Variants in HYI observed in about 807,000 individuals in gnomAD.
HYI encodes the protein putative hydroxypyruvate isomerase.
Under a neutral mutation model 39.7 loss-of-function variants are expected in HYI, and 47 were observed. That is an observed-to-expected ratio of 1.18 (90% CI 0.94 to 1.51). The LOEUF is 1.51. HYI is among the 40% of genes most tolerant of loss of function. HYI has a pLI of 0.00. For synonymous variants in HYI, 186 were observed against 158.8 expected, an observed-to-expected ratio of 1.17 and a Z score of -1.29; for missense variants, 465 against 370.3, an observed-to-expected ratio of 1.26 and a Z score of -2.10.
In HYI at chr1:43,453,456, C is replaced by G. The variant is rs755989872; in HGVS notation, c.241G>C (p.Gly81Arg). ...KGEMGLGAVP[G>R]RQAAFREGLE... The stretch of plus-strand genomic sequence containing the variant: ...CCCTCTCGGAAGGCCGCCTGTCTCC[C>G]GGGGACGGCCCCCAGCCCCATTTCC... The change falls in exon 2 of 8, where the codon GGG becomes CGG. Residue 81 changes from glycine to arginine, a missense_variant. Physicochemically the swap from Gly to Arg is moderately radical, Grantham distance 125. Coordinates refer to ENST00000372430, the MANE Select transcript of HYI (RefSeq NM_001190880.3). 16 of 1,563,540 alleles carry G rather than the reference C, an allele frequency of 1.0e-5. No individual in the cohort carries two copies. Among genetic ancestry groups the G allele is most frequent in the South Asian group, 4.7e-5 (4 of 84,874 alleles).
chr1:43,451,403 G>A lies in HYI; in HGVS notation c.760+7C>T, dbSNP rs201007519. Reference sequence around the variant, plus strand: ...CCAGAGCTCCCTTCCCCAGGGCCACGCCTCACCTCGAGGCTGATACTCACA... The same window carrying A: ...CCAGAGCTCCCTTCCCCAGGGCCACACCTCACCTCGAGGCTGATACTCACA... On this transcript the variant is annotated splice_region_variant and intron_variant, in intron 7 of 7. Coordinates refer to ENST00000372430, the MANE Select transcript of HYI (RefSeq NM_001190880.3). The A allele has an allele frequency of 5.8e-5, 94 of 1,612,070 alleles. No individual in the cohort carries two copies. The Middle Eastern group carries it at 1.2e-3, about 20-fold the overall frequency.
intron 3 of HYI, 95 bp from the exon 4 acceptor site, chr1:43,452,108 C>G (rs1040800741): frequency 2.0e-6 from 3 of 1,510,998 alleles, no homozygotes; most frequent in African/African-American, 2.7e-5. Flanking sequence ...TTCCTCTGAC[C>G]TAGGCTGGCA....
Position 43,453,834 on chromosome 1 carries a change from A to AGGCGGCGGGCGGCGGGCGGCGGGCGGCG in HYI, c.-69_-42dup, listed in dbSNP as rs534101178. The AGGCGGCGGGCGGCGGGCGGCGGGCGGCG allele has an allele frequency of 8.2e-5, 98 of 1,194,188 alleles. No homozygotes were observed. In the African/African-American group the frequency reaches 1.5e-3, roughly 18 times the overall value. The allele number at this position is 1,194,188 out of a possible 1,614,324, so 74.0% of individuals were successfully genotyped here. On this transcript the variant is annotated 5_prime_UTR_variant, in exon 1 of 8. Coordinates refer to ENST00000372430, the MANE Select transcript of HYI (RefSeq NM_001190880.3). The stretch of plus-strand genomic sequence containing the variant: ...GCCGGGCGGAGTCCGCGGGATCCAA[A>AGGCGGCGGGCGGCGGGCGGCGGGCGGCG]GGCGGCGGGCGGCGGGCGGCGGGCG...
At chr1:43,452,814 C>T (rs906699574) in intron 2 of HYI, 170 of 1,380,938 alleles carry the variant, frequency 1.2e-4, no homozygotes, top group Non-Finnish European at 1.5e-4. Flanking sequence ...CACTTTGAGC[C>T]GTCCACCTCC....
At position 43,451,637 on chromosome 1, in the gene HYI, G is replaced by A; in HGVS notation, c.625+11C>T. On this transcript the variant is annotated intron_variant, in intron 6 of 7. Transcript: ENST00000372430. ...TTGAAAGGGTGGGAGGGCAAAGGAA[G>A]GTCCTCTCACCAACAATGGGCAGGA... 1 of 1,614,072 alleles carries A rather than the reference G, an allele frequency of 6.2e-7. No homozygotes were observed. Among genetic ancestry groups the A allele is most frequent in the Non-Finnish European group, 8.5e-7 (1 of 1,179,942 alleles).
chr1:43,453,463 G>C lies in HYI; in HGVS notation c.234C>G (p.Ala78=), dbSNP rs748934658. ...DQEKGEMGLG[A]VPGRQAAFRE... ...GGAAGGCCGCCTGTCTCCCGGGGAC[G>C]GCCCCCAGCCCCATTTCCCCCTTCT... The change falls in exon 2 of 8, where the codon GCC becomes GCG. Residue 78 remains alanine, a synonymous_variant. Coordinates refer to ENST00000372430, the MANE Select transcript of HYI (RefSeq NM_001190880.3). 22 of 1,562,288 alleles carry C rather than the reference G, an allele frequency of 1.4e-5. No homozygotes were observed. Among genetic ancestry groups the C allele is most frequent in the Non-Finnish European group, 1.9e-5 (22 of 1,152,404 alleles).
Position 43,453,790 on chromosome 1 carries a change from C to T in HYI, c.4G>A (p.Ala2Thr). The T allele has an allele frequency of 7.8e-7, 1 of 1,280,472 alleles. No individual in the cohort carries two copies. The highest frequency in any genetic ancestry group is 3.1e-5 in the East Asian group (1 of 32,122). The allele number at this position is 1,280,472 out of a possible 1,614,324, so 79.3% of individuals were successfully genotyped here. Residue 2 changes from alanine (A) to threonine (T), a missense_variant, in exon 1 of 8, where the codon GCG becomes ACG. By Grantham distance (58) the Ala-to-Thr change is moderately conservative. Coordinates refer to ENST00000372430, the MANE Select transcript of HYI (RefSeq NM_001190880.3). M[A>T]PLRFSANLSW... is the part of the protein sequence containing the mutation. ...AGATTGGCGGAGAAGCGCAGCGGCG[C>T]CATGCCTGGGGAGGCCGGGCCGGGC...
At chr1:43,452,974 C>T in intron 2 of HYI, 1 of 1,607,762 alleles carries the variant, frequency 6.2e-7, no homozygotes, top group Non-Finnish European at 8.5e-7. Context: ...AAGGAACACT[C>T]AACTTCCTGC....
chr1:43,453,717 G>GCCCGCA lies in HYI; in HGVS notation c.71_76dup (p.Val24_Arg25dup). The GCCCGCA allele has an allele frequency of 1.4e-5, 19 of 1,396,058 alleles. No individual in the cohort carries two copies. The highest frequency in any genetic ancestry group is 1.7e-5 in the Non-Finnish European group (19 of 1,085,886). 86.5% of individuals were successfully genotyped at this position (1,396,058 alleles called of 1,614,324 possible). A position where few individuals can be genotyped will look rare whatever the true frequency, so the allele number is the denominator to read the frequency against. On this transcript the variant is annotated inframe_insertion, in exon 1 of 8. Coordinates refer to ENST00000372430, the MANE Select transcript of HYI (RefSeq NM_001190880.3). ...GGCCTCGAAGCCCGAGCTGCCCGCG[G>GCCCGCA]CCCGCACCCGCGCGGGGAGGCCGGA...
chr1:43,453,107 C>T (rs1342303385), intron 2 of HYI: 6 of 751,560 alleles, frequency 8.0e-6, no homozygotes, highest in African/African-American at 1.7e-5. Context: ...TAGGCCTGTC[C>T]TCAAATGCAT....
intron 2 of HYI, chr1:43,453,178 A>G: frequency 3.1e-6 from 2 of 650,206 alleles, no homozygotes; most frequent in Non-Finnish European, 5.5e-6. Context: ...ATGGGATCCC[A>G]GCATGGGGTG....
At position 43,453,479 on chromosome 1, in the gene HYI, T is replaced by C. The variant is rs1656674027; in HGVS notation, c.218A>G (p.Glu73Gly). ...NTPPGDQEKG[E>G]MGLGAVPGRQ... ...CCCGGGGACGGCCCCCAGCCCCATT[T>C]CCCCCTTCTCTTGGTCTCCTGCAGA... is the stretch of plus-strand genomic sequence containing the variant. Residue 73 changes from glutamate (E) to glycine (G), a missense_variant, in exon 2 of 8, where the codon GAA becomes GGA. By Grantham distance (98) the Glu-to-Gly change is moderately conservative. Coordinates refer to ENST00000372430, the MANE Select transcript of HYI (RefSeq NM_001190880.3). 6.4e-7 allele frequency: 1 copy of C among 1,558,852 alleles called. No individual in the cohort carries two copies. Among genetic ancestry groups the C allele is most frequent in the African/African-American group, 1.4e-5 (1 of 73,090 alleles).
At chr1:43,452,123 C>T in intron 3 of HYI, 82 bp downstream of exon 3, 3 of 1,487,350 alleles carry the variant, frequency 2.0e-6, no homozygotes, top group Middle Eastern at 1.7e-4. Flanking sequence ...CTGGCAGCCT[C>T]ACGTGCTGTC....
intron 2 of HYI, chr1:43,453,077 G>C: frequency 1.2e-6 from 1 of 864,488 alleles, no homozygotes; most frequent in Non-Finnish European, 1.9e-6. Flanking sequence ...TGCCTACCCT[G>C]CTCCCACAGC....
chr1:43,451,467 G>A lies in HYI; in HGVS notation c.703C>T (p.Gln235Ter), dbSNP rs752437218. The A allele has an allele frequency of 4.3e-6, 7 of 1,614,076 alleles. No individual in the cohort carries two copies. The highest frequency in any genetic ancestry group is 5.9e-6 in the Non-Finnish European group (7 of 1,180,028). The stretch of plus-strand genomic sequence containing the variant: ...TTGTAGCCTTCATCTTCCAGCAGTT[G>A]AAACAGATAGGGGAAATTCAGCTCT... The part of the protein sequence containing the change: ...PGELNFPYLF[Q>*]LLEDEGYKGF... Residue 235 changes from glutamine (Q) to a stop codon, truncating the protein, a stop_gained, in exon 7 of 8, where the codon CAA becomes TAA. Transcript: ENST00000372430. LOFTEE classifies it high-confidence loss of function.
At position 43,453,735 on chromosome 1, in the gene HYI, A is replaced by C. The variant is rs1204249217; in HGVS notation, c.59T>G (p.Leu20Arg). The C allele has an allele frequency of 2.2e-6, 3 of 1,386,576 alleles. No individual in the cohort carries two copies. The highest frequency in any genetic ancestry group is 7.5e-5 in the Admixed American group (2 of 26,552). The allele number at this position is 1,386,576 out of a possible 1,614,324, so 85.9% of individuals were successfully genotyped here. A position where few individuals can be genotyped will look rare whatever the true frequency, so the allele number is the denominator to read the frequency against. Residue 20 changes from leucine to arginine, a missense_variant, in exon 1 of 8, where the codon CTC (leucine) becomes CGC (arginine). Leu to Arg is a moderately radical substitution (Grantham distance 102). Transcript: ENST00000372430. Reference sequence around the variant, plus strand: ...GCCCGCGGCCCGCACCCGCGCGGGGAGGCCGGAGAGCTCGGGGAATAGCCA... The same window carrying C: ...GCCCGCGGCCCGCACCCGCGCGGGGCGGCCGGAGAGCTCGGGGAATAGCCA... Reference protein sequence around the residue: ...LSWLFPELSGLPARVRAAGSS... With the variant: ...LSWLFPELSGRPARVRAAGSS...
At chr1:43,451,770 G>C in intron 5 of HYI, 28 bp downstream of exon 5, 1 of 1,613,916 alleles carries the variant, frequency 6.2e-7, no homozygotes, top group Non-Finnish European at 8.5e-7. Context: ...CCCTCCTTCC[G>C]ATCTGCGAAG....
At chr1:43,453,116 A>C in intron 2 of HYI, 2 of 727,468 alleles carry the variant, frequency 2.7e-6, no homozygotes, top group Admixed American at 4.1e-5. Flanking sequence ...CCTCAAATGC[A>C]TCACTGTATA....
intron 1 of HYI, 28 bp downstream of exon 1, chr1:43,453,567 C>G: frequency 6.6e-7 from 1 of 1,518,032 alleles, no homozygotes. Context: ...CCCCCCAGCC[C>G]TCCCAGCCCT....
Sources: allele counts gnomAD v4.1 joint callset, GRCh38; gene constraint gnomAD v4.1.1; transcripts MANE v1.5; gene names NCBI Gene and HGNC (gene_info 2026-07-23, HGNC 2026-07-21).